VIRMA: variants seen among roughly 807,000 people sequenced by gnomAD.
The protein encoded by VIRMA is protein virilizer homolog.
VIRMA carries 65 observed loss-of-function variants against 182.4 expected under a neutral mutation model. The ratio of observed to expected loss-of-function variants is 0.36; its 90% CI spans 0.29 to 0.44. The LOEUF is 0.44. Among genes scored for constraint, VIRMA ranks in the 20% least tolerant of loss-of-function variants. VIRMA has a pLI of 1.00. For missense variants in VIRMA, 1,752 were observed against 2,158.1 expected, an observed-to-expected ratio of 0.81 and a Z score of 3.73; for synonymous variants, 709 against 743.1, an observed-to-expected ratio of 0.95 and a Z score of 0.75.
intron 7 of VIRMA, 39 bp downstream of exon 7, chr8:94,529,031 T>C (rs1039289077): frequency 1.2e-6 from 2 of 1,603,416 alleles, no homozygotes; most frequent in East Asian, 2.2e-5. Context: ...AGTTAGTTTC[T>C]AGTACTTAAA....
intron 15 of VIRMA, among the ~76,000 whole-genome samples, chr8:94,509,380 C>T (rs1005083935): frequency 3.4e-5 from 5 of 147,146 alleles, no homozygotes; most frequent in Non-Finnish European, 7.4e-5. Context: ...CCAGCCTGGG[C>T]GACAGAATGA....
chr8:94,510,332 A>C, intron 14 of VIRMA, 85 bp downstream of exon 14: 1 of 1,036,292 alleles, frequency 9.6e-7, no homozygotes, highest in South Asian at 1.5e-5. Flanking sequence ...GGGCATTCCA[A>C]ACCCTAGTTT....
chr8:94,523,881 C>G (rs1050614706), intron 8 of VIRMA, among the ~76,000 whole-genome samples: 7 of 152,084 alleles, frequency 4.6e-5, no homozygotes, highest in Admixed American at 4.6e-4. Flanking sequence ...AACCTCCAAC[C>G]TCCCGGGTTC....
At chr8:94,497,974 T>G (rs1012936422) in intron 17 of VIRMA, 1 of 152,288 alleles carries the variant, frequency 6.6e-6, no homozygotes, top group Non-Finnish European at 1.5e-5. Flanking sequence ...ATCACACCAC[T>G]GCACTCCAGC....
intron 16 of VIRMA, among the ~76,000 whole-genome samples, chr8:94,505,122 G>A (rs1814110446): frequency 6.6e-6 from 1 of 152,162 alleles, no homozygotes; most frequent in South Asian, 2.1e-4. Flanking sequence ...TGAGAGACTG[G>A]ATGGGGGCAG....
At chr8:94,510,708 C>A (rs533615263) in intron 13 of VIRMA, 56 bp from the exon 14 acceptor site, 3 of 1,267,128 alleles carry the variant, frequency 2.4e-6, no homozygotes, top group South Asian at 2.6e-5. Flanking sequence ...TATTTATAGT[C>A]ACAAAAACTG....
At chr8:94,499,794 G>A (rs565442715) in intron 16 of VIRMA, among the ~76,000 whole-genome samples, 2 of 150,876 alleles carry the variant, frequency 1.3e-5, no homozygotes, top group South Asian at 2.1e-4. Context: ...CCTGTAATCC[G>A]GGCGCTTTGG....
intron 10 of VIRMA, 36 bp from the exon 11 acceptor site, chr8:94,514,987 A>G (rs1057403911): frequency 1.9e-6 from 2 of 1,039,370 alleles, no homozygotes; most frequent in African/African-American, 3.2e-5. Flanking sequence ...ATTTAAAAAT[A>G]GAAGGCTTTA....
chr8:94,535,042 A>G (rs758146837), intron 4 of VIRMA, 35 bp from the exon 5 acceptor site: 4 of 1,550,570 alleles, frequency 2.6e-6, no homozygotes, highest in South Asian at 1.2e-5. Flanking sequence ...AATCTTTCAA[A>G]GTCATGTTTT....
intron 3 of VIRMA, among the ~76,000 whole-genome samples, chr8:94,537,901 T>G (rs1815397456): frequency 6.6e-6 from 1 of 152,158 alleles, no homozygotes; most frequent in Non-Finnish European, 1.5e-5. Context: ...CACAGTAGTG[T>G]GATATGAAAG....
chr8:94,541,063 TA>T (rs1271424415), intron 2 of VIRMA, among the ~76,000 whole-genome samples: 1 of 151,312 alleles, frequency 6.6e-6, no homozygotes, highest in Non-Finnish European at 1.5e-5. Flanking sequence ...ACACACACAT[TA>T]AAAATATATA....
Position 94,506,714 on chromosome 8 carries a change from T to A in VIRMA, c.3883A>T (p.Ile1295Phe). Reference protein sequence around the residue: ...SILQSLCDQDIALILPSSSEG... With the variant: ...SILQSLCDQDFALILPSSSEG... ...GAAGAGCTTGGTAAGATAAGTGCAA[T>A]GTCCTGTGGGGAGCAGGGAAAAAAA... Residue 1295 changes from isoleucine to phenylalanine, a missense_variant, in exon 16 of 24, where the codon ATT becomes TTT. Around this residue, in one of 11 missense-constraint regions of VIRMA, gnomAD observed 777 missense variants for 920.6 expected, o/e 0.84. Coordinates refer to ENST00000297591, the MANE Select transcript of VIRMA (RefSeq NM_015496.5). 5 of 1,607,254 alleles carry A rather than the reference T, an allele frequency of 3.1e-6. No homozygotes were observed. The highest frequency in any genetic ancestry group is 3.4e-6 in the Non-Finnish European group (4 of 1,176,038).
At chr8:94,534,771 CG>C in intron 5 of VIRMA, 67 bp downstream of exon 5, 3 of 1,519,024 alleles carry the variant, frequency 2.0e-6, no homozygotes, top group Non-Finnish European at 1.8e-6. Flanking sequence ...GAGTGCTCTT[CG>C]AATTATTTTT....
At chr8:94,549,965 T>C (rs987016843) in intron 1 of VIRMA, among the ~76,000 whole-genome samples, 1 of 151,964 alleles carries the variant, frequency 6.6e-6, no homozygotes, top group Non-Finnish European at 1.5e-5. Flanking sequence ...GGCGTGTTGG[T>C]GCACAACTGT....
At chr8:94,499,905 G>A (rs1813907787) in intron 16 of VIRMA, among the ~76,000 whole-genome samples, 2 of 151,574 alleles carry the variant, frequency 1.3e-5, no homozygotes, top group African/African-American at 2.4e-5. Flanking sequence ...AAAAATTAAC[G>A]GGGGGTGGCA....
chr8:94,506,704 A>G lies in VIRMA; in HGVS notation c.3893T>C (p.Ile1298Thr), dbSNP rs748177143. ...AGAACCTTCAGAAGAGCTTGGTAAG[A>G]TAAGTGCAATGTCCTGTGGGGAGCA... ...QSLCDQDIAL[I>T]LPSSSEGSIS... is the part of the protein sequence containing the mutation. Residue 1298 changes from isoleucine (I) to threonine (T), a missense_variant, in exon 16 of 24, where the codon ATC becomes ACC. This residue lies in a region of VIRMA where 777 missense variants were observed against 920.6 expected (regional missense o/e 0.84). Transcript: ENST00000297591. 1.4e-5 allele frequency: 22 copies of G among 1,612,854 alleles called. No homozygotes were observed. The highest frequency in any genetic ancestry group is 1.7e-4 in the Middle Eastern group (1 of 6,060).
intron 1 of VIRMA, among the ~76,000 whole-genome samples, chr8:94,547,864 T>C (rs1288358345): frequency 3.4e-5 from 5 of 146,310 alleles, no homozygotes; most frequent in Non-Finnish European, 7.4e-5. Context: ...AGACTCCATC[T>C]CTACCAAAAA....
In VIRMA at chr8:94,499,512, A is replaced by G; in HGVS notation, c.4098-6T>C. ...TACTGTTTTTCCTTAAAGAACTGTA[A>G]ATAAAGAAAATAAAGAGAAGATATT... On this transcript the variant is annotated splice_region_variant and splice_polypyrimidine_tract_variant and intron_variant, in intron 16 of 23. Coordinates refer to ENST00000297591, the MANE Select transcript of VIRMA (RefSeq NM_015496.5). 1.4e-6 allele frequency: 2 copies of G among 1,411,670 alleles called. No individual in the cohort carries two copies. The highest frequency in any genetic ancestry group is 2.0e-6 in the Non-Finnish European group (2 of 1,015,794). 87.4% of individuals were successfully genotyped at this position (1,411,670 alleles called of 1,614,324 possible).
intron 16 of VIRMA, among the ~76,000 whole-genome samples, chr8:94,504,386 T>C (rs936774910): frequency 4.6e-5 from 7 of 152,126 alleles, no homozygotes; most frequent in African/African-American, 1.7e-4. Context: ...CTCAGACATA[T>C]GAAGCATGCT....
Sources: gnomAD v4.1 joint callset for allele counts (sites outside exome capture counted in the v4.1 genomes callset) on GRCh38, gnomAD v4.1.1 for gene constraint, gnomAD v4.1.1 regional missense constraint, MANE v1.5 for transcripts, NCBI Gene and HGNC (gene_info 2026-07-23, HGNC 2026-07-21) for gene names.